The following PIAS1 variants were observed in gnomAD, a reference collection of about 807,000 sequenced individuals.
The protein encoded by PIAS1 is E3 SUMO-protein ligase PIAS1.
Under a neutral mutation model 71.3 loss-of-function variants are expected in PIAS1, and 6 were observed. The ratio of observed to expected loss-of-function variants is 0.08; its 90% CI spans 0.05 to 0.17. The LOEUF (loss-of-function observed/expected upper bound fraction) is 0.17, where lower values mean the gene tolerates loss of function less well. PIAS1 is among the 10% of genes least tolerant of loss of function. The pLI, the probability that PIAS1 is intolerant of heterozygous loss-of-function variation, is 1.00. For missense variants in PIAS1, 555 were observed against 793.6 expected (o/e 0.70, Z 3.61); for synonymous variants, 303 against 292.9 (o/e 1.03, Z -0.35).
chr15:68,153,723 T>C (rs758631787), intron 7 of PIAS1, 28 bp downstream of exon 7: 3 of 1,129,962 alleles, frequency 2.7e-6, no homozygotes, highest in East Asian at 4.7e-5. Context: ...ATTTCACTTA[T>C]TCAGCTATTT....
intron 8 of PIAS1, among the ~76,000 whole-genome samples, chr15:68,169,024 T>C (rs1337771742): frequency 6.6e-6 from 1 of 152,240 alleles, no homozygotes; most frequent in Non-Finnish European, 1.5e-5. Context: ...AAACAATCTT[T>C]ATTTCTTATC....
chr15:68,123,651 A>G (rs1026240038), intron 2 of PIAS1, among the ~76,000 whole-genome samples: 3 of 152,144 alleles, frequency 2.0e-5, no homozygotes, highest in African/African-American at 2.4e-5. Flanking sequence ...AGTCTGCACT[A>G]TAGGAAACAA....
At chr15:68,183,771 T>TA (rs2093070638) in intron 13 of PIAS1, 104 bp downstream of exon 13, 1 of 572,396 alleles carries the variant, frequency 1.7e-6, no homozygotes, top group African/African-American at 1.9e-5. Context: ...ATGCATTCCA[T>TA]AAGATTATAA....
chr15:68,164,215 T>TA (rs931689268), intron 7 of PIAS1, among the ~76,000 whole-genome samples: 20 of 151,930 alleles, frequency 1.3e-4, no homozygotes, highest in African/African-American at 2.4e-4. Context: ...ATTGTATAGT[T>TA]AAAAAAAAGA....
At chr15:68,180,681 C>T (rs1451978940) in intron 11 of PIAS1, among the ~76,000 whole-genome samples, 1 of 152,116 alleles carries the variant, frequency 6.6e-6, no homozygotes, top group Non-Finnish European at 1.5e-5. Context: ...ATTGGGTATA[C>T]TAAACAATAC....
intron 1 of PIAS1, among the ~76,000 whole-genome samples, chr15:68,065,914 G>GTTTTTTTTTTTT (rs1567024257): frequency 3.1e-5 from 1 of 32,156 alleles, no homozygotes; most frequent in African/African-American, 1.5e-4. Context: ...CTGACTAAAA[G>GTTTTTTTTTTTT]CTTTTTTTTT....
chr15:68,059,886 T>G (rs1400076248), intron 1 of PIAS1, among the ~76,000 whole-genome samples: 1 of 152,124 alleles, frequency 6.6e-6, no homozygotes, highest in African/African-American at 2.4e-5. Flanking sequence ...GTGCTCGGTT[T>G]TTACAGGTGT....
At chr15:68,106,876 G>A (rs2092475437) in intron 2 of PIAS1, among the ~76,000 whole-genome samples, 1 of 152,190 alleles carries the variant, frequency 6.6e-6, no homozygotes, top group South Asian at 2.1e-4. Flanking sequence ...CCAGCATTGT[G>A]TTGGATCGCT....
intron 12 of PIAS1, among the ~76,000 whole-genome samples, chr15:68,182,158 A>G (rs1449898908): frequency 6.6e-6 from 1 of 152,034 alleles, no homozygotes; most frequent in Non-Finnish European, 1.5e-5. Context: ...AGGTGTATAC[A>G]TTTATCTGAT....
At chr15:68,090,926 G>A (rs11853526) in intron 2 of PIAS1, among the ~76,000 whole-genome samples, 13 of 129,592 alleles carry the variant, frequency 1.0e-4, no homozygotes, top group African/African-American at 2.6e-4. Flanking sequence ...AGTCATTTAC[G>A]GGTGTGTGTG....
At position 68,141,874 on chromosome 15, in the gene PIAS1, T is replaced by G. The variant is rs565537135; in HGVS notation, c.470-72T>G. ...TACCAGTTAATTAAAGACATGTGTG[T>G]TTTTTTTTTTTGCTTTTGTCTTTAC... On this transcript the variant is annotated intron_variant, in intron 2 of 13. Coordinates refer to ENST00000249636, the MANE Select transcript of PIAS1 (RefSeq NM_016166.3). The G allele has an allele frequency of 4.8e-4, 284 of 588,212 alleles. 1 individual carries two copies. The East Asian group carries it at 5.8e-3, about 12-fold the overall frequency. 36.4% of individuals were successfully genotyped at this position (588,212 alleles called of 1,614,324 possible).
chr15:68,057,432 T>G (rs1459205025), intron 1 of PIAS1: 2 of 404,986 alleles, frequency 4.9e-6, no homozygotes, highest in Non-Finnish European at 9.5e-6. Context: ...ATATGTGTTT[T>G]TTTGGAGTAA....
At chr15:68,099,904 C>T (rs1400575418) in intron 2 of PIAS1, among the ~76,000 whole-genome samples, 1 of 152,052 alleles carries the variant, frequency 6.6e-6, no homozygotes, top group African/African-American at 2.4e-5. Flanking sequence ...TTTCCACATA[C>T]TTATTTGCCA....
intron 1 of PIAS1, among the ~76,000 whole-genome samples, chr15:68,056,437 C>T (rs2091897184): frequency 6.6e-6 from 1 of 152,182 alleles, no homozygotes; most frequent in South Asian, 2.1e-4. Flanking sequence ...AAACACCAAA[C>T]ACTTGAAGAA....
intron 2 of PIAS1, among the ~76,000 whole-genome samples, chr15:68,091,676 A>C (rs574360364): frequency 7.8e-4 from 118 of 152,204 alleles, no homozygotes; most frequent in Non-Finnish European, 1.1e-3. Flanking sequence ...AAAATATCCA[A>C]AGTCAGAAAT....
chr15:68,156,633 C>T (rs1265985844), intron 7 of PIAS1, among the ~76,000 whole-genome samples: 5 of 150,728 alleles, frequency 3.3e-5, no homozygotes, highest in Non-Finnish European at 3.0e-5. Flanking sequence ...CGCTTGAACC[C>T]GGGAGGCAGA....
chr15:68,055,743 T>A (rs1419510646), intron 1 of PIAS1: 4 of 515,314 alleles, frequency 7.8e-6, no homozygotes, highest in Middle Eastern at 4.6e-4. Flanking sequence ...CTTCTTTTTA[T>A]AATAAATAAA....
chr15:68,187,616 G>A lies in PIAS1; in HGVS notation c.1737G>A (p.Arg579=), dbSNP rs747045223. 8.7e-6 allele frequency: 14 copies of A among 1,613,858 alleles called. No individual in the cohort carries two copies. The highest frequency in any genetic ancestry group is 1.2e-5 in the Non-Finnish European group (14 of 1,179,886). ...SDDQDLLHSS[R]FFPYTSSQMF... ...ATCAAGACCTCCTACACTCGTCTCG[G>A]TTTTTCCCGTATACCTCCTCACAGA... The change falls in exon 14 of 14, where the codon CGG becomes CGA. Residue 579 remains arginine, a synonymous_variant. Transcript: ENST00000249636. The surrounding 1 kb of genome is among the most constrained non-coding windows in gnomAD (Gnocchi z 5.3).
chr15:68,076,708 C>G lies in PIAS1; in HGVS notation c.25-9598C>G, dbSNP rs79572784. On this transcript the variant is annotated intron_variant, in intron 1 of 13. Transcript: ENST00000249636. ...GATGACTTGGGTGAATATTTAAGGGCACAATTCTCAGATTTTATATATGAC... is the reference window on the plus strand; with the variant it reads ...GATGACTTGGGTGAATATTTAAGGGGACAATTCTCAGATTTTATATATGAC... 5.6e-3 allele frequency among the ~76,000 whole-genome samples: 844 copies of G among 152,034 alleles called. 4 individuals are homozygous for G. The highest frequency in any genetic ancestry group is 0.02 in the South Asian group (96 of 4,812).
Sources: allele counts gnomAD v4.1 joint callset (sites outside exome capture counted in the v4.1 genomes callset), GRCh38; gene constraint gnomAD v4.1.1; non-coding constraint Gnocchi (gnomAD v3.1); transcripts MANE v1.5; gene names NCBI Gene and HGNC (gene_info 2026-07-23, HGNC 2026-07-21).